The following ROBO1 variants were observed in gnomAD, a reference collection of about 807,000 sequenced individuals.
ROBO1 encodes the protein roundabout homolog 1.
A neutral mutation model predicts 195.9 loss-of-function variants in ROBO1; 149 were observed. The observed-to-expected ratio is 0.76, with a 90% CI of 0.67 to 0.87. ROBO1 has a LOEUF of 0.87. ROBO1 is among the 40% of genes least tolerant of loss of function. The probability of loss-of-function intolerance (pLI) is 0.00; values close to 1 mark genes in which losing one functional copy is unlikely to be tolerated. For synonymous variants in ROBO1, 816 were observed against 733.2 expected (o/e 1.11, Z -1.82); for missense variants, 1,933 against 2,068.3 (o/e 0.93, Z 1.27).
At chr3:78,970,595 T>C (rs981590269) in intron 3 of ROBO1, among the ~76,000 whole-genome samples, 56 of 152,294 alleles carry the variant, frequency 3.7e-4, no homozygotes, top group African/African-American at 1.3e-3. Flanking sequence ...TTCAAATGAC[T>C]TGTCCAGGGA....
intron 3 of ROBO1, among the ~76,000 whole-genome samples, chr3:79,104,841 T>C (rs947875009): frequency 6.6e-6 from 1 of 151,750 alleles, no homozygotes; most frequent in African/African-American, 2.4e-5. Context: ...TTTGTATTAA[T>C]ACAAGAATGG....
intron 1 of ROBO1, among the ~76,000 whole-genome samples, chr3:79,656,618 G>A (rs1946171345): frequency 6.6e-6 from 1 of 152,028 alleles, no homozygotes; most frequent in Admixed American, 6.6e-5. Flanking sequence ...GCCTGGCTGG[G>A]AGGGATGGGC....
rs1270201049 is a variant in ROBO1, at chr3:79,143,965, CT to C, written c.89-18427del. Among the ~76,000 whole-genome samples, 309 of 149,626 alleles carry C rather than the reference CT, an allele frequency of 2.1e-3. 2 individuals are homozygous for C. Among genetic ancestry groups the C allele is most frequent in the African/African-American group, 6.3e-3 (259 of 40,898 alleles). On this transcript the variant is annotated intron_variant, in intron 2 of 30. Coordinates refer to ENST00000464233, the MANE Select transcript of ROBO1 (RefSeq NM_002941.4). Reference sequence around the variant, plus strand: ...CAGTACGTAACTTTTTTGAGAATGACTTTTTTTTTTCCACTCAGCTTAATTC... The same window carrying C: ...CAGTACGTAACTTTTTTGAGAATGACTTTTTTTTTCCACTCAGCTTAATTC...
rs1020845806 is a variant in ROBO1, at chr3:78,895,495, T to C, written c.499+43106A>G. Among the ~76,000 whole-genome samples, 4 of 152,348 alleles carry C rather than the reference T, an allele frequency of 2.6e-5. No individual in the cohort carries two copies. In the South Asian group the frequency reaches 8.3e-4, roughly 32 times the overall value. ...TGTACCTGGCCATTGCCTTGTCAAG[T>C]GCCAGAAATTATAAATCCAATGTAA... On this transcript the variant is annotated intron_variant, in intron 4 of 30. Transcript: ENST00000464233.
chr3:79,045,766 C>T (rs2078578877), intron 3 of ROBO1, among the ~76,000 whole-genome samples: 1 of 152,084 alleles, frequency 6.6e-6, no homozygotes, highest in East Asian at 1.9e-4. Context: ...GTGGTAAAAT[C>T]AATACTTATT....
chr3:79,591,591 C>T (rs575184365), intron 1 of ROBO1, among the ~76,000 whole-genome samples: 12 of 151,950 alleles, frequency 7.9e-5, no homozygotes, highest in African/African-American at 2.9e-4. Context: ...TAGTATATCA[C>T]TCATCACTGA....
intron 2 of ROBO1, among the ~76,000 whole-genome samples, chr3:79,417,744 G>T (rs762788632): frequency 2.3e-4 from 35 of 152,056 alleles, no homozygotes; most frequent in Non-Finnish European, 4.0e-4. Flanking sequence ...TATTATTATG[G>T]GGGACACCAA....
At chr3:79,223,749 T>C (rs1031740213) in intron 2 of ROBO1, among the ~76,000 whole-genome samples, 2 of 152,274 alleles carry the variant, frequency 1.3e-5, no homozygotes, top group South Asian at 4.1e-4. Context: ...GGTCTGTACC[T>C]AAGGCTCAAG....
chr3:78,811,552 G>C (rs181414180), intron 4 of ROBO1, among the ~76,000 whole-genome samples: 1 of 152,190 alleles, frequency 6.6e-6, no homozygotes, highest in Admixed American at 6.6e-5. Context: ...CAATTGCCCT[G>C]AAAATAGAAT....
chr3:79,223,195 A>C (rs1262106264), intron 2 of ROBO1, among the ~76,000 whole-genome samples: 1 of 152,200 alleles, frequency 6.6e-6, no homozygotes, highest in Non-Finnish European at 1.5e-5. Flanking sequence ...CTCAGAAACC[A>C]GGAAGCAGGG....
At position 79,760,236 on chromosome 3, in the gene ROBO1, CAAAAAAAAAAAAAAAAA is replaced by C. The variant is rs11451206; in HGVS notation, c.-51+7499_-51+7515del. On this transcript the variant is annotated intron_variant, in intron 1 of 30. Coordinates refer to ENST00000464233, the MANE Select transcript of ROBO1 (RefSeq NM_002941.4). ...TGGGTGAGACAGTGAGACCCTATCT[CAAAAAAAAAAAAAAAAA>C]AAAAAAAAAAAAAAAAAAGCACAAG... Among the ~76,000 whole-genome samples, 62 of 4,516 alleles carry C rather than the reference CAAAAAAAAAAAAAAAAA, an allele frequency of 0.014. 1 individual carries two copies. In the South Asian group the frequency reaches 0.37, roughly 27 times the overall value. 3.0% of individuals were successfully genotyped at this position (4,516 alleles called of 152,430 possible).
chr3:79,049,911 G>C (rs1055065264), intron 3 of ROBO1, among the ~76,000 whole-genome samples: 1 of 152,052 alleles, frequency 6.6e-6, no homozygotes, highest in African/African-American at 2.4e-5. Context: ...AACATGAAAA[G>C]GAAAAACCAG....
rs530007582 is a variant in ROBO1 at position 79,607,470 on chromosome 3, C to T, written c.-50-17509G>A. On this transcript the variant is annotated intron_variant, in intron 1 of 30. Transcript: ENST00000464233. ...TAAGACTAACTTAAGGGTATCATTA[C>T]TGTATTTTAAAACATATTAACATTA... Among the ~76,000 whole-genome samples, 6 of 151,740 alleles carry T rather than the reference C, an allele frequency of 4.0e-5. No individual in the cohort carries two copies. In the East Asian group the frequency reaches 9.7e-4, roughly 25 times the overall value.
chr3:79,689,746 G>C (rs2107065635), intron 1 of ROBO1, among the ~76,000 whole-genome samples: 1 of 152,056 alleles, frequency 6.6e-6, no homozygotes, highest in Middle Eastern at 3.4e-3. Context: ...CCCCAGTATA[G>C]TGTTATCCTT....
At chr3:78,678,440 A>G (rs1708575382) in intron 10 of ROBO1, among the ~76,000 whole-genome samples, 5 of 152,204 alleles carry the variant, frequency 3.3e-5, no homozygotes, top group Admixed American at 3.3e-4. Context: ...AGACTAATAA[A>G]GAGGAAAAGA....
intron 3 of ROBO1, among the ~76,000 whole-genome samples, chr3:79,100,241 A>G (rs543059650): frequency 6.6e-6 from 1 of 151,964 alleles, no homozygotes; most frequent in South Asian, 2.1e-4. Context: ...TGAAATGTCT[A>G]TTAACTGCCA....
chr3:79,746,745 A>T (rs1703893130), intron 1 of ROBO1, among the ~76,000 whole-genome samples: 1 of 152,036 alleles, frequency 6.6e-6, no homozygotes, highest in Admixed American at 6.6e-5. Context: ...AAAACACATG[A>T]CTGAACCTGC....
intron 24 of ROBO1, among the ~76,000 whole-genome samples, chr3:78,631,524 C>T (rs1490691010): frequency 6.6e-6 from 1 of 152,050 alleles, no homozygotes; most frequent in East Asian, 1.9e-4. Context: ...AGCAATAAAA[C>T]CATGAATGAA....
chr3:79,041,575 A>T (rs1459525950), intron 3 of ROBO1, among the ~76,000 whole-genome samples: 1 of 152,170 alleles, frequency 6.6e-6, no homozygotes, highest in Admixed American at 6.6e-5. Context: ...CAAAGCACTG[A>T]TGCTGTGACA....
Sources: gnomAD v4.1 joint callset for allele counts (sites outside exome capture counted in the v4.1 genomes callset) on GRCh38, gnomAD v4.1.1 for gene constraint, MANE v1.5 for transcripts, NCBI Gene and HGNC (gene_info 2026-07-23, HGNC 2026-07-21) for gene names.